RBM46: variants seen among roughly 807,000 people sequenced by gnomAD.
RBM46 encodes the protein probable RNA-binding protein 46.
RBM46 carries 12 observed loss-of-function variants against 43.3 expected under a neutral mutation model. The observed-to-expected ratio is 0.28, with a 90% CI of 0.18 to 0.45. The LOEUF (loss-of-function observed/expected upper bound fraction) is 0.45, where lower values mean the gene tolerates loss of function less well. Ranked by LOEUF, RBM46 falls within the 20% of genes least tolerant of loss-of-function variation. The probability of loss-of-function intolerance (pLI) is 1.00; values close to 1 mark genes in which losing one functional copy is unlikely to be tolerated. For synonymous variants in RBM46, 205 were observed against 207.6 expected, an observed-to-expected ratio of 0.99 and a Z score of 0.11; for missense variants, 412 against 639.1, an observed-to-expected ratio of 0.64 and a Z score of 3.83.
intron 1 of RBM46, among the ~76,000 whole-genome samples, chr4:154,782,836 G>A (rs751513659): frequency 1.6e-4 from 24 of 152,264 alleles, no homozygotes; most frequent in Non-Finnish European, 2.4e-4. Context: ...TGAGAATGGC[G>A]TTATAACCAG....
chr4:154,813,764 T>C (rs972832277), intron 4 of RBM46, among the ~76,000 whole-genome samples: 2 of 152,046 alleles, frequency 1.3e-5, no homozygotes, highest in Admixed American at 6.6e-5. Context: ...TTCCTAAAAA[T>C]AGGAAGAAAG....
At chr4:154,824,927 A>G (rs1290457662) in intron 4 of RBM46, among the ~76,000 whole-genome samples, 1 of 152,102 alleles carries the variant, frequency 6.6e-6, no homozygotes, top group Non-Finnish European at 1.5e-5. Context: ...GATTGGGGAT[A>G]TGTTTTATAT....
chr4:154,781,467 T>C (rs186325984), intron 1 of RBM46, 31 bp downstream of exon 1: 8 of 152,476 alleles, frequency 5.2e-5, no homozygotes, highest in Non-Finnish European at 2.9e-5. Flanking sequence ...ACGGGGTCAC[T>C]ACCAGACCAC....
At chr4:154,819,188 G>C (rs1433473776) in intron 4 of RBM46, among the ~76,000 whole-genome samples, 2 of 152,126 alleles carry the variant, frequency 1.3e-5, no homozygotes, top group Non-Finnish European at 2.9e-5. Flanking sequence ...GATTTATTTT[G>C]GCTTCAGAAA....
intron 4 of RBM46, among the ~76,000 whole-genome samples, chr4:154,816,745 A>T (rs1399792271): frequency 6.6e-6 from 1 of 151,924 alleles, no homozygotes; most frequent in African/African-American, 2.4e-5. Flanking sequence ...AATACAAATT[A>T]TGATAAAAAC....
At chr4:154,826,530 A>G (rs1735972273) in intron 4 of RBM46, among the ~76,000 whole-genome samples, 1 of 152,182 alleles carries the variant, frequency 6.6e-6, no homozygotes, top group African/African-American at 2.4e-5. Context: ...TGGATGTTAG[A>G]AAAGTAAATG....
At chr4:154,786,795 C>T (rs1343014891) in intron 1 of RBM46, among the ~76,000 whole-genome samples, 4 of 152,158 alleles carry the variant, frequency 2.6e-5, no homozygotes, top group South Asian at 2.1e-4. Flanking sequence ...GGCATGATGG[C>T]GCATGCCTGT....
chr4:154,784,061 A>G (rs1733638724), intron 1 of RBM46, among the ~76,000 whole-genome samples: 1 of 152,242 alleles, frequency 6.6e-6, no homozygotes, highest in South Asian at 2.1e-4. Flanking sequence ...ACTCAATGAC[A>G]ACAGTGCTAA....
At chr4:154,801,855 G>T (rs1734655170) in intron 4 of RBM46, among the ~76,000 whole-genome samples, 1 of 152,022 alleles carries the variant, frequency 6.6e-6, no homozygotes. Context: ...ACCTAATCAG[G>T]TACAATATTT....
intron 4 of RBM46, among the ~76,000 whole-genome samples, chr4:154,811,081 C>T (rs916353190): frequency 1.3e-5 from 2 of 152,152 alleles, no homozygotes; most frequent in Non-Finnish European, 2.9e-5. Flanking sequence ...ACCTTACATT[C>T]TATTGAGACC....
intron 1 of RBM46, among the ~76,000 whole-genome samples, chr4:154,788,489 A>G (rs1733903518): frequency 6.6e-6 from 1 of 152,140 alleles, no homozygotes; most frequent in Non-Finnish European, 1.5e-5. Flanking sequence ...CAAAGATCAG[A>G]TGGTTGTAGA....
At chr4:154,824,883 T>C (rs72959277) in intron 4 of RBM46, among the ~76,000 whole-genome samples, 5,224 of 152,144 alleles carry the variant, frequency 0.034, 292 homozygotes, top group African/African-American at 0.12. Context: ...CAAGTGAAGG[T>C]CTGTTGGCTG....
rs550669691 is a variant in RBM46 at position 154,825,472 on chromosome 4, T to G, written c.1403-2396T>G. Among the ~76,000 whole-genome samples the G allele has an allele frequency of 5.3e-5, 8 of 152,314 alleles. No homozygotes were observed. The East Asian group carries it at 1.3e-3, about 26-fold the overall frequency. The stretch of plus-strand genomic sequence containing the variant: ...TTAGTGATTTTAGTAAAAAATTTTA[T>G]TTTTGAAATGCTTGTAAAATCTTAC... On this transcript the variant is annotated intron_variant, in intron 4 of 4. Transcript: ENST00000281722.
chr4:154,790,486 C>T (rs958163855), intron 1 of RBM46: 2 of 152,050 alleles, frequency 1.3e-5, no homozygotes, highest in Non-Finnish European at 2.9e-5. Flanking sequence ...GCATTCCCCT[C>T]GGGGGAATAA....
intron 4 of RBM46, among the ~76,000 whole-genome samples, chr4:154,808,821 G>A (rs1361556166): frequency 1.3e-5 from 2 of 152,048 alleles, no homozygotes; most frequent in Non-Finnish European, 2.9e-5. Flanking sequence ...GAGAGAATAA[G>A]AATCCCTTAA....
At chr4:154,782,783 T>TTTAA (rs1391457821) in intron 1 of RBM46, among the ~76,000 whole-genome samples, 1 of 152,192 alleles carries the variant, frequency 6.6e-6, no homozygotes, top group African/African-American at 2.4e-5. Flanking sequence ...CGCCGAGCTT[T>TTTAA]TTAAGTCTTG....
At chr4:154,794,517 C>T (rs2111118931) in intron 1 of RBM46, among the ~76,000 whole-genome samples, 1 of 152,228 alleles carries the variant, frequency 6.6e-6, no homozygotes, top group South Asian at 2.1e-4. Context: ...ATGCAACAGC[C>T]AGATGATCCT....
intron 1 of RBM46, among the ~76,000 whole-genome samples, chr4:154,785,992 A>G (rs1733743440): frequency 6.6e-6 from 1 of 152,212 alleles, no homozygotes; most frequent in African/African-American, 2.4e-5. Context: ...AGGTGGTTAT[A>G]TCACTTAAAA....
intron 1 of RBM46, among the ~76,000 whole-genome samples, chr4:154,785,816 G>A (rs1053871587): frequency 1.3e-5 from 2 of 151,980 alleles, no homozygotes; most frequent in South Asian, 4.1e-4. Context: ...TGGTCTTTTC[G>A]ATTACTAATT....
Sources: allele counts gnomAD v4.1 joint callset (sites outside exome capture counted in the v4.1 genomes callset), GRCh38; gene constraint gnomAD v4.1.1; transcripts MANE v1.5; gene names NCBI Gene and HGNC (gene_info 2026-07-23, HGNC 2026-07-21).